GRP: variants seen among roughly 807,000 people sequenced by gnomAD.
GRP encodes gastrin releasing peptide.
In GRP, 11 loss-of-function variants were observed where a neutral mutation model predicts 12.7. The ratio of observed to expected loss-of-function variants is 0.87; its 90% CI spans 0.55 to 1.44. GRP has a LOEUF of 1.44. Among genes scored for constraint, GRP ranks in the 40% most tolerant of loss-of-function variants. The probability of loss-of-function intolerance (pLI) is 0.00; values close to 1 mark genes in which losing one functional copy is unlikely to be tolerated. For missense variants in GRP, 212 were observed against 185.4 expected, an observed-to-expected ratio of 1.14 and a Z score of -0.83; for synonymous variants, 84 against 77.7, an observed-to-expected ratio of 1.08 and a Z score of -0.43.
chr18:59,219,540 A>AGG (rs1210013840), upstream of GRP, among the ~76,000 whole-genome samples: 1 of 17,328 alleles, frequency 5.8e-5, no homozygotes, highest in African/African-American at 3.0e-4. Context: ...AGAGGAGGGG[A>AGG]AGGGAGGGGA....
chr18:59,227,040 T>TCTTCCTTC (rs2069948416), intron 2 of GRP, among the ~76,000 whole-genome samples: 2 of 130,880 alleles, frequency 1.5e-5, no homozygotes, highest in Non-Finnish European at 1.7e-5. Flanking sequence ...TTTCTTTCTT[T>TCTTCCTTC]CTTTCTTTCT....
chr18:59,226,164 A>T (rs62093991), intron 2 of GRP, among the ~76,000 whole-genome samples: 1 of 152,258 alleles, frequency 6.6e-6, no homozygotes, highest in Admixed American at 6.5e-5. Flanking sequence ...TTTGACACAA[A>T]GTAGCACTTC....
chr18:59,220,103 C>G, upstream of GRP: 3 of 350,846 alleles, frequency 8.6e-6, no homozygotes, highest in Non-Finnish European at 1.0e-5. Context: ...TAGAAGAGCC[C>G]CCCAGCCCCC....
chr18:59,225,841 A>C, intron 2 of GRP, 107 bp downstream of exon 2: 2 of 959,194 alleles, frequency 2.1e-6, no homozygotes, highest in Non-Finnish European at 3.2e-6. Flanking sequence ...ATAAACCTTC[A>C]CAGTCACTAC....
chr18:59,220,825 C>T (rs767891505), intron 1 of GRP, among the ~76,000 whole-genome samples: 17 of 152,210 alleles, frequency 1.1e-4, no homozygotes, highest in Non-Finnish European at 2.1e-4. Context: ...TCTCAGAACC[C>T]TGGTCCAGCT....
At chr18:59,230,379 T>C (rs775594618) in intron 2 of GRP, 25 bp from the exon 3 acceptor site, 13 of 1,353,592 alleles carry the variant, frequency 9.6e-6, no homozygotes, top group Non-Finnish European at 1.4e-5. Context: ...CTCTGTTTGC[T>C]GAACTCTTTC....
In GRP at chr18:59,230,539, C is replaced by CG; in HGVS notation, c.*73dup. On this transcript the variant is annotated 3_prime_UTR_variant, in exon 3 of 3. Coordinates refer to ENST00000256857, the MANE Select transcript of GRP (RefSeq NM_002091.5). ...CTGCGTTCTGCAAGCATCAGTTCTA[C>CG]GGATCATCAACAAGATTTCCTTGTG... The CG allele has an allele frequency of 1.2e-6, 1 of 836,520 alleles. No individual in the cohort carries two copies. The highest frequency in any genetic ancestry group is 2.1e-6 in the Non-Finnish European group (1 of 476,552). The allele number at this position is 836,520 out of a possible 1,614,324, so 51.8% of individuals were successfully genotyped here.
chr18:59,222,134 CTT>C (rs1388709223), intron 1 of GRP, among the ~76,000 whole-genome samples: 1 of 152,186 alleles, frequency 6.6e-6, no homozygotes, highest in African/African-American at 2.4e-5. Flanking sequence ...TTCCCAATCT[CTT>C]TGTACTCATC....
At chr18:59,225,848 C>G in intron 2 of GRP, 114 bp downstream of exon 2, 1 of 872,588 alleles carries the variant, frequency 1.1e-6, no homozygotes, top group South Asian at 1.7e-5. Context: ...TTCACAGTCA[C>G]TACATTAGGC....
intron 1 of GRP, among the ~76,000 whole-genome samples, chr18:59,222,812 C>A (rs2069856821): frequency 6.6e-6 from 1 of 152,170 alleles, no homozygotes; most frequent in Non-Finnish European, 1.5e-5. Flanking sequence ...GAAAACTTAA[C>A]AAATTTTTAT....
At chr18:59,230,261 A>T (rs2070010526) in intron 2 of GRP, 143 bp from the exon 3 acceptor site, 1 of 599,548 alleles carries the variant, frequency 1.7e-6, no homozygotes, top group East Asian at 2.7e-5. Flanking sequence ...AGAGTTTCTG[A>T]TTTAGTAGGT....
In GRP at chr18:59,225,522, A is replaced by G. The variant is rs755484444; in HGVS notation, c.170A>G (p.Glu57Gly). 1.1e-5 allele frequency: 18 copies of G among 1,613,394 alleles called. No homozygotes were observed. The highest frequency in any genetic ancestry group is 1.3e-5 in the Non-Finnish European group (15 of 1,179,524). ...TTAATGGGGAAAAAGAGCACAGGGG[A>G]GTCTTCTTCTGTTTCTGAGAGAGGG... The part of the protein sequence containing the change: ...GHLMGKKSTG[E>G]SSSVSERGSL... The change falls in exon 2 of 3, where the codon GAG becomes GGG. Residue 57 changes from glutamate (E) to glycine (G), a missense_variant. Coordinates refer to ENST00000256857, the MANE Select transcript of GRP (RefSeq NM_002091.5).
At chr18:59,225,851 C>T in intron 2 of GRP, 117 bp downstream of exon 2, 1 of 875,112 alleles carries the variant, frequency 1.1e-6, no homozygotes, top group Non-Finnish European at 1.8e-6. Flanking sequence ...ACAGTCACTA[C>T]ATTAGGCTAA....
At position 59,225,749 on chromosome 18, in the gene GRP, C is replaced by T. The variant is rs539872527; in HGVS notation, c.382+15C>T. ...AAAAGGCAAAGGTAAAAGAAACATA[C>T]ATGCAAGATGGGGTGGGAGGTATCT... On this transcript the variant is annotated intron_variant, in intron 2 of 2. Coordinates refer to ENST00000256857, the MANE Select transcript of GRP (RefSeq NM_002091.5). The T allele has an allele frequency of 6.2e-7, 1 of 1,611,990 alleles. No individual in the cohort carries two copies. Among genetic ancestry groups the T allele is most frequent in the South Asian group, 1.1e-5 (1 of 90,866 alleles).
chr18:59,228,996 A>C (rs937746846), intron 2 of GRP, among the ~76,000 whole-genome samples: 1 of 152,200 alleles, frequency 6.6e-6, no homozygotes, highest in Non-Finnish European at 1.5e-5. Context: ...AAGAAAGTAA[A>C]TGTGTTCGTT....
chr18:59,225,786 GA>G, intron 2 of GRP, 52 bp downstream of exon 2: 1 of 1,561,422 alleles, frequency 6.4e-7, no homozygotes, highest in Non-Finnish European at 8.7e-7. Context: ...GGGAGAGGTG[GA>G]AAGAGGGCAA....
chr18:59,220,105 C>T, upstream of GRP: 1 of 358,468 alleles, frequency 2.8e-6, no homozygotes, highest in Non-Finnish European at 5.0e-6. Flanking sequence ...GAAGAGCCCC[C>T]CAGCCCCCCC....
intron 1 of GRP, among the ~76,000 whole-genome samples, chr18:59,222,792 T>A (rs2069856504): frequency 6.6e-6 from 1 of 152,206 alleles, no homozygotes. Flanking sequence ...GGAAAAAAGG[T>A]TAACAGCTTG....
intron 1 of GRP, among the ~76,000 whole-genome samples, chr18:59,223,183 A>G (rs2069862826): frequency 6.6e-6 from 1 of 152,074 alleles, no homozygotes; most frequent in Non-Finnish European, 1.5e-5. Context: ...TCAAGGTTTT[A>G]TTTTTTCAAG....
Sources: gnomAD v4.1 joint callset for allele counts (sites outside exome capture counted in the v4.1 genomes callset) on GRCh38, gnomAD v4.1.1 for gene constraint, MANE v1.5 for transcripts, NCBI Gene and HGNC (gene_info 2026-07-23, HGNC 2026-07-21) for gene names.